The following AKAP13 variants were observed in gnomAD, a reference collection of about 807,000 sequenced individuals.
AKAP13 encodes the protein A-kinase anchor protein 13.
Under a neutral mutation model 264.5 loss-of-function variants are expected in AKAP13, and 80 were observed. That is an observed-to-expected ratio of 0.30 (90% confidence interval 0.25 to 0.36). The LOEUF is 0.36. AKAP13 is among the 10% of genes least tolerant of loss of function. The pLI, the probability that AKAP13 is intolerant of heterozygous loss-of-function variation, is 1.00. For missense variants in AKAP13, 3,712 were observed against 3,435.2 expected (o/e 1.08, Z -2.01); for synonymous variants, 1,380 against 1,250.2 (o/e 1.10, Z -2.19).
intron 8 of AKAP13, among the ~76,000 whole-genome samples, chr15:85,628,699 A>G (rs553836477): frequency 6.6e-6 from 1 of 152,220 alleles, no homozygotes; most frequent in Non-Finnish European, 1.5e-5. Flanking sequence ...GCATTTTGAT[A>G]TTTAAAAAAA....
rs1041172021 is a variant in AKAP13, at chr15:85,727,306, A to G, written c.7004+59A>G. On this transcript the variant is annotated intron_variant, in intron 28 of 36. Transcript: ENST00000394518. This position sits in a 1 kb window ranked among gnomAD's most constrained non-coding sequence, Gnocchi z 5.3. Reference sequence around the variant, plus strand: ...CCTCCTGATGTCTCTGTGTGATTTCATAACAGGCTGGACTGTGACCAGAGT... The same window carrying G: ...CCTCCTGATGTCTCTGTGTGATTTCGTAACAGGCTGGACTGTGACCAGAGT... 6 of 1,613,132 alleles carry G rather than the reference A, an allele frequency of 3.7e-6. No homozygotes were observed. Among genetic ancestry groups the G allele is most frequent in the Middle Eastern group, 1.6e-4 (1 of 6,082 alleles).
intron 32 of AKAP13, 71 bp downstream of exon 32, chr15:85,735,701 T>A: frequency 7.0e-7 from 1 of 1,429,810 alleles, no homozygotes; most frequent in Non-Finnish European, 9.6e-7. Flanking sequence ...TTGAAATTAT[T>A]TCACTTTGAT....
At chr15:85,386,119 C>T (rs2070546974) in intron 1 of AKAP13, among the ~76,000 whole-genome samples, 1 of 152,216 alleles carries the variant, frequency 6.6e-6, no homozygotes, top group African/African-American at 2.4e-5. Context: ...GCCACTGTGT[C>T]TGGCCTTCTT....
intron 5 of AKAP13, among the ~76,000 whole-genome samples, chr15:85,550,820 T>C (rs572222940): frequency 6.6e-6 from 1 of 152,354 alleles, no homozygotes; most frequent in East Asian, 1.9e-4. Context: ...TGTCATTGTG[T>C]GATCTAGGTC....
intron 1 of AKAP13, among the ~76,000 whole-genome samples, chr15:85,419,047 T>C (rs2072385702): frequency 6.6e-6 from 1 of 152,228 alleles, no homozygotes; most frequent in African/African-American, 2.4e-5. Context: ...AGCCATTATT[T>C]CCAGAACCAT....
intron 1 of AKAP13, among the ~76,000 whole-genome samples, chr15:85,401,958 T>C (rs900077266): frequency 1.3e-5 from 2 of 152,358 alleles, no homozygotes; most frequent in South Asian, 2.1e-4. Context: ...ATGTAAAACA[T>C]TCTGTAGCTG....
At chr15:85,647,232 C>T (rs1034646604) in intron 10 of AKAP13, among the ~76,000 whole-genome samples, 1 of 152,028 alleles carries the variant, frequency 6.6e-6, no homozygotes, top group Non-Finnish European at 1.5e-5. Context: ...CCCGTCTCTA[C>T]TAAAAATACA....
intron 16 of AKAP13, among the ~76,000 whole-genome samples, chr15:85,691,635 C>CT (rs1223860132): frequency 6.6e-6 from 1 of 152,194 alleles, no homozygotes; most frequent in Non-Finnish European, 1.5e-5. Context: ...TAATCTGGCA[C>CT]TTAGAGCTCC....
chr15:85,492,150 T>A (rs1351857584), intron 2 of AKAP13, among the ~76,000 whole-genome samples: 1 of 152,206 alleles, frequency 6.6e-6, no homozygotes, highest in African/African-American at 2.4e-5. Context: ...AGAAATAAAA[T>A]CCTTTTAAAG....
At chr15:85,544,208 T>C (rs1285237017) in intron 5 of AKAP13, 1 of 594,292 alleles carries the variant, frequency 1.7e-6, no homozygotes, top group Non-Finnish European at 3.1e-6. Context: ...TTATCTCTTA[T>C]ATTTTACTAT....
chr15:85,472,859 A>G (rs1446517289), intron 1 of AKAP13, among the ~76,000 whole-genome samples: 1 of 152,252 alleles, frequency 6.6e-6, no homozygotes, highest in Non-Finnish European at 1.5e-5. Context: ...ATGCATAATG[A>G]TAAACTGTTG....
rs969205876 is a variant in AKAP13 at position 85,521,659 on chromosome 15, A to G, written c.181+84A>G. The G allele has an allele frequency of 2.7e-6, 4 of 1,465,174 alleles. No homozygotes were observed. The African/African-American group carries it at 4.2e-5, about 16-fold the overall frequency. 90.8% of individuals were successfully genotyped at this position (1,465,174 alleles called of 1,614,324 possible). On this transcript the variant is annotated intron_variant, in intron 3 of 36. Transcript: ENST00000394518. ...ATGTTTATGAGTATAGAGTGACAGG[A>G]AGAGTGAAGTGTAGACAGTATAAAA...
At chr15:85,594,500 A>G (rs971543133) in intron 8 of AKAP13, among the ~76,000 whole-genome samples, 1 of 152,228 alleles carries the variant, frequency 6.6e-6, no homozygotes, top group Non-Finnish European at 1.5e-5. Flanking sequence ...CACTGTGGGA[A>G]TGAAGATATA....
chr15:85,739,501 T>TA (rs2088801350), intron 33 of AKAP13, among the ~76,000 whole-genome samples: 1 of 152,202 alleles, frequency 6.6e-6, no homozygotes, highest in Non-Finnish European at 1.5e-5. Context: ...GAGCCTTTTT[T>TA]AAATGAAAGA....
At chr15:85,409,205 G>C (rs1377978415) in intron 1 of AKAP13, among the ~76,000 whole-genome samples, 3 of 151,590 alleles carry the variant, frequency 2.0e-5, no homozygotes, top group African/African-American at 7.3e-5. Context: ...TTGAGATGGA[G>C]TTTCACTCGT....
At chr15:85,682,696 T>G (rs2084661643) in intron 15 of AKAP13, among the ~76,000 whole-genome samples, 1 of 152,148 alleles carries the variant, frequency 6.6e-6, no homozygotes, top group African/African-American at 2.4e-5. Context: ...AGACAGAGTT[T>G]CGCTCTTGTT....
chr15:85,655,011 G>A (rs1034273926), intron 10 of AKAP13, among the ~76,000 whole-genome samples: 1 of 152,078 alleles, frequency 6.6e-6, no homozygotes, highest in African/African-American at 2.4e-5. Flanking sequence ...GGCCAGCATG[G>A]TGAAACCCTG....
chr15:85,743,451 G>C, intron 35 of AKAP13, 41 bp from the exon 36 acceptor site: 1 of 1,587,790 alleles, frequency 6.3e-7, no homozygotes, highest in Non-Finnish European at 8.6e-7. Context: ...CACGGACGCT[G>C]ACAGCCTCCA....
chr15:85,664,035 A>C (rs2083473691), intron 12 of AKAP13, among the ~76,000 whole-genome samples: 1 of 152,234 alleles, frequency 6.6e-6, no homozygotes, highest in African/African-American at 2.4e-5. Flanking sequence ...CATGAGTAAC[A>C]CTTGGGTTTT....
Sources: allele counts gnomAD v4.1 joint callset (sites outside exome capture counted in the v4.1 genomes callset), GRCh38; gene constraint gnomAD v4.1.1; non-coding constraint Gnocchi (gnomAD v3.1); transcripts MANE v1.5; gene names NCBI Gene and HGNC (gene_info 2026-07-23, HGNC 2026-07-21).